LCMT1: variants seen among roughly 807,000 people sequenced by gnomAD.
The protein encoded by LCMT1 is [Phosphatase 2A protein]-leucine-carboxy methyltransferase 1.
In LCMT1, 32 loss-of-function variants were observed where a neutral mutation model predicts 47.7. The observed-to-expected ratio is 0.67, with a 90% CI of 0.51 to 0.90. The LOEUF is 0.90. Ranked by LOEUF, LCMT1 falls within the 40% of genes least tolerant of loss-of-function variation. The pLI is 0.00. For synonymous variants in LCMT1, 152 were observed against 149.7 expected, an observed-to-expected ratio of 1.02 and a Z score of -0.11; for missense variants, 375 against 415.2, an observed-to-expected ratio of 0.90 and a Z score of 0.84.
chr16:25,155,339 G>A (rs1200369379), intron 5 of LCMT1, among the ~76,000 whole-genome samples: 1 of 152,088 alleles, frequency 6.6e-6, no homozygotes, highest in Non-Finnish European at 1.5e-5. Context: ...ACAAGGCTGA[G>A]GTGGGAGCAT....
In LCMT1 at chr16:25,111,999, G is replaced by A. The variant is rs747406977; in HGVS notation, c.113+3G>A. The stretch of plus-strand genomic sequence containing the variant: ...GAAGATGCTTCCCTGTGCAAGAGGT[G>A]CCTGTCGGGCGCGGGGTTCGGGGCC... On this transcript the variant is annotated splice_donor_region_variant and intron_variant, in intron 1 of 10. Coordinates refer to ENST00000399069, the MANE Select transcript of LCMT1 (RefSeq NM_016309.3). 1.2e-4 allele frequency: 185 copies of A among 1,608,338 alleles called. No homozygotes were observed. Among genetic ancestry groups the A allele is most frequent in the Middle Eastern group, 4.9e-4 (3 of 6,070 alleles).
intron 7 of LCMT1, among the ~76,000 whole-genome samples, chr16:25,168,420 T>A (rs1477453400): frequency 6.6e-6 from 1 of 152,224 alleles, no homozygotes; most frequent in Non-Finnish European, 1.5e-5. Flanking sequence ...CCTGGCCTTT[T>A]TCATATATAA....
At chr16:25,164,821 C>A in intron 7 of LCMT1, 103 bp downstream of exon 7, 1 of 1,466,700 alleles carries the variant, frequency 6.8e-7, no homozygotes, top group Non-Finnish European at 9.5e-7. Context: ...TTCCTTCTGC[C>A]TCCAGCCTCT....
At position 25,156,940 on chromosome 16, in the gene LCMT1, CTT is replaced by C. The variant is rs5816285; in HGVS notation, c.467-4143_467-4142del. On this transcript the variant is annotated intron_variant, in intron 5 of 10. Transcript: ENST00000399069. ...CTGCCTGAGGCTGTCTCCATTTTAC[CTT>C]TTTTTTTTTTTTTTTTTTAATTGAA... Among the ~76,000 whole-genome samples, 590 of 129,936 alleles carry C rather than the reference CTT, an allele frequency of 4.5e-3. 4 individuals are homozygous for C. The highest frequency in any genetic ancestry group is 0.014 in the African/African-American group (507 of 34,990). The allele number at this position is 129,936 out of a possible 152,430, so 85.2% of individuals were successfully genotyped here. A position where few individuals can be genotyped will look rare whatever the true frequency, so the allele number is the denominator to read the frequency against.
chr16:25,161,185 A>G lies in LCMT1; in HGVS notation c.550A>G (p.Lys184Glu), dbSNP rs758374473. ...DLSELEEKLK[K>E]CNMNTQLPTL... is the part of the protein sequence containing the mutation. ...GTCTGAACTGGAAGAGAAGCTAAAG[A>G]AATGTAACATGAATACACAGTGAGA... is the stretch of plus-strand genomic sequence containing the variant. Residue 184 changes from lysine to glutamate, a missense_variant, in exon 6 of 11, where the codon AAA becomes GAA. Coordinates refer to ENST00000399069, the MANE Select transcript of LCMT1 (RefSeq NM_016309.3). 6.2e-6 allele frequency: 10 copies of G among 1,604,434 alleles called. No homozygotes were observed. Among genetic ancestry groups the G allele is most frequent in the Non-Finnish European group, 8.5e-6 (10 of 1,175,152 alleles).
At chr16:25,143,471 T>TG (rs1193600007) in intron 4 of LCMT1, 4 of 152,334 alleles carry the variant, frequency 2.6e-5, no homozygotes, top group Non-Finnish European at 4.4e-5. Context: ...TGAGGGGACT[T>TG]GGGGAGTCCA....
rs771366216 is a variant in LCMT1, at chr16:25,132,476, A to G, written c.280A>G (p.Ile94Val). Residue 94 changes from isoleucine to valine, a missense_variant, in exon 3 of 11, where the codon ATT becomes GTT. By Grantham distance (29) the Ile-to-Val change is conservative. Transcript: ENST00000399069. ...FLRKTECHCQ[I>V]VNLGAGMDTT... is the part of the protein sequence containing the mutation. ...ACGGAAGACAGAATGTCATTGTCAA[A>G]TTGTCAACCTTGGGGCAGGCATGGA... 6.2e-7 allele frequency: 1 copy of G among 1,613,842 alleles called. No individual in the cohort carries two copies. Among genetic ancestry groups the G allele is most frequent in the East Asian group, 2.2e-5 (1 of 44,870 alleles).
intron 2 of LCMT1, among the ~76,000 whole-genome samples, chr16:25,128,939 G>C (rs1051062960): frequency 3.4e-5 from 5 of 145,388 alleles, no homozygotes; most frequent in African/African-American, 5.1e-5. Flanking sequence ...AGAGCATTAG[G>C]ATAAATACCT....
intron 4 of LCMT1, chr16:25,149,030 T>A (rs183155196): frequency 6.6e-6 from 1 of 152,106 alleles, no homozygotes; most frequent in East Asian, 1.9e-4. Flanking sequence ...GGGCAAAGCA[T>A]GTGAGGGGTA....
At chr16:25,169,858 C>T (rs745906932) in intron 8 of LCMT1, among the ~76,000 whole-genome samples, 4 of 152,034 alleles carry the variant, frequency 2.6e-5, no homozygotes, top group Admixed American at 2.0e-4. Context: ...TATGTTAATG[C>T]CCCCTCCCTT....
chr16:25,117,619 G>A (rs1291836344), intron 1 of LCMT1, among the ~76,000 whole-genome samples: 2 of 152,110 alleles, frequency 1.3e-5, no homozygotes, highest in Non-Finnish European at 2.9e-5. Context: ...TTTCGGAGCC[G>A]AGATGGGTGG....
chr16:25,136,453 T>C (rs974859601), intron 3 of LCMT1, among the ~76,000 whole-genome samples: 1 of 151,554 alleles, frequency 6.6e-6, no homozygotes, highest in African/African-American at 2.4e-5. Flanking sequence ...TTTGCCCCTT[T>C]CTCAAGAAAC....
At chr16:25,118,682 G>T (rs1351468539) in intron 1 of LCMT1, among the ~76,000 whole-genome samples, 1 of 152,194 alleles carries the variant, frequency 6.6e-6, no homozygotes, top group Non-Finnish European at 1.5e-5. Flanking sequence ...AAGGCTTGCA[G>T]GGGGCAGGAG....
chr16:25,151,431 A>C lies in LCMT1; in HGVS notation c.405-123A>C, dbSNP rs908084768. On this transcript the variant is annotated intron_variant, in intron 4 of 10. Transcript: ENST00000399069. Reference sequence around the variant, plus strand: ...CTTTTTAGAGGGGCCCCTGCTTTGAACAATAGCAAATATATATTTGCCATT... The same window carrying C: ...CTTTTTAGAGGGGCCCCTGCTTTGACCAATAGCAAATATATATTTGCCATT... 6.2e-6 allele frequency: 5 copies of C among 812,596 alleles called. No individual in the cohort carries two copies. In the Admixed American group the frequency reaches 1.2e-4, roughly 19 times the overall value. 50.3% of individuals were successfully genotyped at this position (812,596 alleles called of 1,614,324 possible).
chr16:25,117,868 A>AAAT lies in LCMT1; in HGVS notation c.113+5872_113+5873insAAT, dbSNP rs1303136329. ...CTCCGTCTCAAAAAAAAAAAAAAAA[A>AAAT]TTTGACATCATCTTGGAACTGCCCC... On this transcript the variant is annotated intron_variant, in intron 1 of 10. Coordinates refer to ENST00000399069, the MANE Select transcript of LCMT1 (RefSeq NM_016309.3). 3.2e-3 allele frequency among the ~76,000 whole-genome samples: 481 copies of AAAT among 151,808 alleles called. 3 individuals are homozygous for AAAT. Among genetic ancestry groups the AAAT allele is most frequent in the African/African-American group, 0.011 (462 of 41,360 alleles).
chr16:25,149,742 C>T (rs1372118961), intron 4 of LCMT1, among the ~76,000 whole-genome samples: 3 of 151,792 alleles, frequency 2.0e-5, no homozygotes, highest in Admixed American at 6.6e-5. Context: ...GGTGAAACCT[C>T]GTCTCTACTA....
intron 4 of LCMT1, chr16:25,146,359 G>A (rs1960853412): frequency 6.6e-6 from 1 of 152,554 alleles, no homozygotes; most frequent in Admixed American, 6.5e-5. Context: ...TGAAAGCTTG[G>A]TGAGGAGTGG....
At chr16:25,153,814 G>A (rs1961152305) in intron 5 of LCMT1, among the ~76,000 whole-genome samples, 1 of 151,952 alleles carries the variant, frequency 6.6e-6, no homozygotes, top group Admixed American at 6.6e-5. Context: ...TTAGCTGGGT[G>A]TGGTGGCTGG....
intron 7 of LCMT1, among the ~76,000 whole-genome samples, chr16:25,166,184 C>T (rs1441494053): frequency 3.3e-5 from 5 of 151,166 alleles, no homozygotes; most frequent in African/African-American, 7.3e-5. Flanking sequence ...GCAGGAGAAT[C>T]GCTTGAACCA....
Sources: gnomAD v4.1 joint callset for allele counts (sites outside exome capture counted in the v4.1 genomes callset) on GRCh38, gnomAD v4.1.1 for gene constraint, MANE v1.5 for transcripts, NCBI Gene and HGNC (gene_info 2026-07-23, HGNC 2026-07-21) for gene names.